Variants in SPAG16 observed in about 807,000 individuals in gnomAD.
SPAG16 encodes sperm-associated antigen 16 protein.
SPAG16 carries 86 observed loss-of-function variants against 80.4 expected under a neutral mutation model. The observed-to-expected ratio is 1.07, with a 90% confidence interval of 0.90 to 1.28. SPAG16 has a LOEUF of 1.28. SPAG16 is among the 50% of genes most tolerant of loss of function. SPAG16 has a pLI of 0.00. For synonymous variants in SPAG16, 294 were observed against 265.9 expected (o/e 1.11, Z -1.03); for missense variants, 870 against 765.3 (o/e 1.14, Z -1.61).
At chr2:213,926,091 A>G (rs896522316) in intron 11 of SPAG16, among the ~76,000 whole-genome samples, 9 of 152,030 alleles carry the variant, frequency 5.9e-5, no homozygotes, top group African/African-American at 2.2e-4. Flanking sequence ...TGTTACATCT[A>G]TCTTTTATTT....
At chr2:214,225,132 A>G (rs1039840366) in intron 15 of SPAG16, among the ~76,000 whole-genome samples, 2 of 152,226 alleles carry the variant, frequency 1.3e-5, no homozygotes, top group African/African-American at 4.8e-5. Flanking sequence ...TTCAAGGGGA[A>G]GCAAGAAGTC....
rs150867769 is a variant in SPAG16, at chr2:213,873,742, G to A, written c.1214+11114G>A. Among the ~76,000 whole-genome samples, 185 of 151,464 alleles carry A rather than the reference G, an allele frequency of 1.2e-3. 2 individuals are homozygous for A. In the East Asian group the frequency reaches 0.028, roughly 23 times the overall value. Reference sequence around the variant, plus strand: ...TTCCCTTATAATTTCTTTTTTGGCCGATTGGCTATTTTAAAGTGTGCTGTT... The same window carrying A: ...TTCCCTTATAATTTCTTTTTTGGCCAATTGGCTATTTTAAAGTGTGCTGTT... On this transcript the variant is annotated intron_variant, in intron 11 of 15. Transcript: ENST00000331683.
At chr2:213,991,360 C>A (rs1004076341) in intron 12 of SPAG16, among the ~76,000 whole-genome samples, 1 of 152,122 alleles carries the variant, frequency 6.6e-6, no homozygotes, top group African/African-American at 2.4e-5. Flanking sequence ...GCATAGTACT[C>A]CATGGTGTAT....
intron 10 of SPAG16, among the ~76,000 whole-genome samples, chr2:213,686,792 T>C (rs1384504165): frequency 6.7e-6 from 1 of 149,766 alleles, no homozygotes; most frequent in Non-Finnish European, 1.5e-5. Context: ...GCTCAAGCGA[T>C]TCTGCCTCAG....
intron 14 of SPAG16, among the ~76,000 whole-genome samples, chr2:214,122,516 A>T (rs149937709): frequency 5.9e-5 from 9 of 151,984 alleles, no homozygotes; most frequent in Non-Finnish European, 1.3e-4. Context: ...TGATTTCTCA[A>T]TTTTGTTTGT....
chr2:213,596,908 T>C (rs931460136), intron 10 of SPAG16, among the ~76,000 whole-genome samples: 8 of 152,196 alleles, frequency 5.3e-5, no homozygotes, highest in Admixed American at 2.6e-4. Flanking sequence ...AAATATAGGG[T>C]CAGTTATACA....
chr2:214,031,333 C>T (rs2125050529), intron 13 of SPAG16, among the ~76,000 whole-genome samples: 1 of 147,738 alleles, frequency 6.8e-6, no homozygotes, highest in Middle Eastern at 3.4e-3. Flanking sequence ...TAAACTATCG[C>T]AAGGACAAAA....
At chr2:213,820,924 G>T (rs900021588) in intron 10 of SPAG16, among the ~76,000 whole-genome samples, 10 of 152,006 alleles carry the variant, frequency 6.6e-5, no homozygotes, top group African/African-American at 1.9e-4. Flanking sequence ...TGCCCATTGG[G>T]CAAGGATCTG....
intron 15 of SPAG16, among the ~76,000 whole-genome samples, chr2:214,368,870 T>C (rs568916291): frequency 5.3e-5 from 8 of 152,206 alleles, no homozygotes; most frequent in African/African-American, 1.7e-4. Flanking sequence ...TTTCTGCCTA[T>C]ATCTTAATTT....
chr2:213,439,704 G>C (rs1439991990), intron 9 of SPAG16, among the ~76,000 whole-genome samples: 1 of 152,214 alleles, frequency 6.6e-6, no homozygotes, highest in African/African-American at 2.4e-5. Flanking sequence ...CTCTCCAGAT[G>C]ATGAAAGATG....
chr2:213,524,898 G>A (rs1245232067), intron 10 of SPAG16, among the ~76,000 whole-genome samples: 2 of 152,278 alleles, frequency 1.3e-5, no homozygotes, highest in Non-Finnish European at 2.9e-5. Context: ...GGGGACTGTT[G>A]GAGGGGCATG....
intron 12 of SPAG16, among the ~76,000 whole-genome samples, chr2:213,988,863 T>C (rs1205980839): frequency 6.6e-6 from 1 of 151,922 alleles, no homozygotes; most frequent in Non-Finnish European, 1.5e-5. Context: ...AGATGAAAAT[T>C]CTCCCCAAAT....
chr2:214,203,384 T>C, intron 15 of SPAG16, among the ~76,000 whole-genome samples: 1 of 152,272 alleles, frequency 6.6e-6, no homozygotes, highest in East Asian at 1.9e-4. Context: ...ATCGTGAATT[T>C]TGGCTCCAAG....
intron 12 of SPAG16, among the ~76,000 whole-genome samples, chr2:213,945,951 C>A (rs1372020252): frequency 2.0e-5 from 3 of 152,170 alleles, no homozygotes; most frequent in African/African-American, 7.2e-5. Flanking sequence ...CTCTTATAAT[C>A]ACTTTCTTGC....
At chr2:213,559,536 A>C (rs2059535455) in intron 10 of SPAG16, among the ~76,000 whole-genome samples, 3 of 152,180 alleles carry the variant, frequency 2.0e-5, no homozygotes, top group Admixed American at 6.5e-5. Flanking sequence ...ACCACAAATT[A>C]TGTTTTAGAC....
intron 13 of SPAG16, among the ~76,000 whole-genome samples, chr2:214,020,381 G>A (rs2047802670): frequency 6.6e-6 from 1 of 152,158 alleles, no homozygotes; most frequent in East Asian, 1.9e-4. Flanking sequence ...TAAAAATAAT[G>A]ACAGAAAGGT....
intron 9 of SPAG16, among the ~76,000 whole-genome samples, chr2:213,428,316 C>T (rs74599497): frequency 0.043 from 6,615 of 152,230 alleles, 163 homozygotes; most frequent in Middle Eastern, 0.082. Flanking sequence ...GAATACCTTG[C>T]CCTTCCCAAG....
rs146244864 is a variant in SPAG16 at position 213,354,871 on chromosome 2, G to T, written c.762+4226G>T. Among the ~76,000 whole-genome samples, 959 of 152,240 alleles carry T rather than the reference G, an allele frequency of 6.3e-3. 6 individuals are homozygous for T. Among genetic ancestry groups the T allele is most frequent in the Admixed American group, 0.011 (168 of 15,278 alleles). ...GTGCAGAAGCTCTTTAGTTTAGTTAGATCCCATTTGTCAATTTTTGCTTTT... is the reference window on the plus strand; with the variant it reads ...GTGCAGAAGCTCTTTAGTTTAGTTATATCCCATTTGTCAATTTTTGCTTTT... On this transcript the variant is annotated intron_variant, in intron 7 of 15. Transcript: ENST00000331683.
intron 12 of SPAG16, among the ~76,000 whole-genome samples, chr2:213,995,877 G>A (rs2046491338): frequency 6.6e-6 from 1 of 152,186 alleles, no homozygotes; most frequent in Admixed American, 6.5e-5. Context: ...CAATGCAATA[G>A]AATGATACTA....
Sources: allele counts gnomAD v4.1 joint callset (sites outside exome capture counted in the v4.1 genomes callset), GRCh38; gene constraint gnomAD v4.1.1; transcripts MANE v1.5; gene names NCBI Gene and HGNC (gene_info 2026-07-23, HGNC 2026-07-21).